ZNF385B: variants seen among roughly 807,000 people sequenced by gnomAD.
ZNF385B encodes the protein zinc finger protein 385B.
In ZNF385B, 23 loss-of-function variants were observed where a neutral mutation model predicts 39.2. That is an observed-to-expected ratio of 0.59 (90% CI 0.42 to 0.83). The LOEUF (loss-of-function observed/expected upper bound fraction) is 0.83, where lower values mean the gene tolerates loss of function less well. Ranked by LOEUF, ZNF385B falls within the 40% of genes least tolerant of loss-of-function variation. ZNF385B has a pLI of 0.00. For missense variants in ZNF385B, 552 were observed against 598.9 expected (o/e 0.92, Z 0.82); for synonymous variants, 205 against 222.6 (o/e 0.92, Z 0.70).
At chr2:179,806,131 G>A (rs1706335272) in intron 1 of ZNF385B, among the ~76,000 whole-genome samples, 1 of 152,044 alleles carries the variant, frequency 6.6e-6, no homozygotes, top group Non-Finnish European at 1.5e-5. Context: ...CATAAACAAT[G>A]TTAAAAGACA....
intron 6 of ZNF385B, among the ~76,000 whole-genome samples, chr2:179,457,932 A>T (rs1574235372): frequency 6.6e-6 from 1 of 152,232 alleles, no homozygotes; most frequent in African/African-American, 2.4e-5. Context: ...GTCATTCAAT[A>T]AATGATAGAG....
intron 1 of ZNF385B, among the ~76,000 whole-genome samples, chr2:179,825,484 C>A (rs747742048): frequency 2.6e-5 from 4 of 152,260 alleles, no homozygotes; most frequent in Admixed American, 2.0e-4. Flanking sequence ...AAACACAATT[C>A]TTCTCCTTCT....
intron 3 of ZNF385B, among the ~76,000 whole-genome samples, chr2:179,586,988 G>A (rs1050168948): frequency 1.3e-4 from 20 of 152,082 alleles, no homozygotes; most frequent in African/African-American, 4.3e-4. Flanking sequence ...GTAGTGAGCC[G>A]AGATCATGCC....
At position 179,538,627 on chromosome 2, in the gene ZNF385B, G is replaced by C. The variant is rs552453569; in HGVS notation, c.441+6200C>G. 1.9e-3 allele frequency among the ~76,000 whole-genome samples: 284 copies of C among 152,248 alleles called. 2 individuals are homozygous for C. Among genetic ancestry groups the C allele is most frequent in the Non-Finnish European group, 2.8e-3 (193 of 68,018 alleles). ...ATAAATCATTTCATAACTTGTCATG[G>C]ATGATTCACAGAATCATACAGTGGT... On this transcript the variant is annotated intron_variant, in intron 4 of 9. Transcript: ENST00000410066.
At position 179,776,186 on chromosome 2, in the gene ZNF385B, C is replaced by T. The variant is rs187935270; in HGVS notation, c.-154-5514G>A. On this transcript the variant is annotated intron_variant, in intron 1 of 9. Transcript: ENST00000410066. Reference sequence around the variant, plus strand: ...TATCCTAAGAACTAAAGAGAAAGATCACACCTCTGTGGATGGGTGCGAGAA... The same window carrying T: ...TATCCTAAGAACTAAAGAGAAAGATTACACCTCTGTGGATGGGTGCGAGAA... Among the ~76,000 whole-genome samples the T allele has an allele frequency of 1.1e-3, 168 of 152,308 alleles. 2 individuals carry two copies. Among genetic ancestry groups the T allele is most frequent in the Middle Eastern group, 6.8e-3 (2 of 294 alleles).
intron 6 of ZNF385B, among the ~76,000 whole-genome samples, chr2:179,461,902 T>C (rs984511906): frequency 6.6e-6 from 1 of 152,154 alleles, no homozygotes; most frequent in African/African-American, 2.4e-5. Context: ...CTCATTAGGC[T>C]CACTGATACC....
intron 5 of ZNF385B, among the ~76,000 whole-genome samples, chr2:179,493,325 G>A (rs1341392075): frequency 6.6e-6 from 1 of 151,804 alleles, no homozygotes; most frequent in Non-Finnish European, 1.5e-5. Context: ...GCATGTATAT[G>A]TGTACATATG....
chr2:179,556,198 G>A (rs937052572), intron 3 of ZNF385B, among the ~76,000 whole-genome samples: 1 of 148,654 alleles, frequency 6.7e-6, no homozygotes, highest in Admixed American at 6.7e-5. Context: ...TTTAAGTGTT[G>A]TTAAAAAAAA....
intron 5 of ZNF385B, among the ~76,000 whole-genome samples, chr2:179,488,693 T>C (rs1443735217): frequency 1.3e-5 from 2 of 152,070 alleles, no homozygotes; most frequent in African/African-American, 2.4e-5. Flanking sequence ...TTAAAACTAC[T>C]GGCATCTGTT....
chr2:179,808,640 T>A (rs1321672776), intron 1 of ZNF385B, among the ~76,000 whole-genome samples: 1 of 152,144 alleles, frequency 6.6e-6, no homozygotes, highest in African/African-American at 2.4e-5. Flanking sequence ...CAGAGAACAT[T>A]CCAAAAATAA....
At chr2:179,643,869 T>TA (rs1016528877) in intron 3 of ZNF385B, among the ~76,000 whole-genome samples, 15 of 152,106 alleles carry the variant, frequency 9.9e-5, no homozygotes, top group Non-Finnish European at 1.5e-4. Flanking sequence ...TATTGTTTAT[T>TA]AAAAAATGAA....
intron 4 of ZNF385B, among the ~76,000 whole-genome samples, chr2:179,525,967 A>AT (rs758060574): frequency 1.3e-5 from 2 of 151,620 alleles, no homozygotes; most frequent in African/African-American, 4.8e-5. Flanking sequence ...AACAAAGATA[A>AT]TTTTTTTCTC....
intron 3 of ZNF385B, among the ~76,000 whole-genome samples, chr2:179,679,013 C>T (rs905490131): frequency 3.0e-4 from 46 of 152,114 alleles, no homozygotes; most frequent in African/African-American, 1.1e-3. Context: ...TCTTAGAATA[C>T]AAAGAACACT....
At chr2:179,791,576 G>A (rs736067) in intron 1 of ZNF385B, among the ~76,000 whole-genome samples, 44,017 of 151,994 alleles carry the variant, frequency 0.29, 6,605 homozygotes, top group African/African-American at 0.34. Context: ...CAGGTGAGGC[G>A]CTTGTCTTAA....
At chr2:179,800,107 C>T (rs1410230271) in intron 1 of ZNF385B, among the ~76,000 whole-genome samples, 1 of 151,996 alleles carries the variant, frequency 6.6e-6, no homozygotes, top group Admixed American at 6.6e-5. Flanking sequence ...ATAGAAAATA[C>T]ATCTTCAGAT....
chr2:179,713,842 A>G (rs1700156902), intron 3 of ZNF385B, among the ~76,000 whole-genome samples: 1 of 152,216 alleles, frequency 6.6e-6, no homozygotes, highest in Non-Finnish European at 1.5e-5. Context: ...ATAAATCTTT[A>G]TATTGGTCCA....
chr2:179,800,017 C>G (rs965862417), intron 1 of ZNF385B, among the ~76,000 whole-genome samples: 6 of 152,050 alleles, frequency 3.9e-5, no homozygotes. Context: ...AGCTAAAACT[C>G]TAAAAGCAGA....
chr2:179,839,557 A>C (rs1000570115), intron 1 of ZNF385B, among the ~76,000 whole-genome samples: 1 of 152,232 alleles, frequency 6.6e-6, no homozygotes, highest in Non-Finnish European at 1.5e-5. Context: ...AATCTTTACC[A>C]TTCACAGACA....
chr2:179,521,863 C>T (rs576001561), intron 4 of ZNF385B, among the ~76,000 whole-genome samples: 2 of 152,180 alleles, frequency 1.3e-5, no homozygotes, highest in African/African-American at 2.4e-5. Flanking sequence ...ATTGTACCCC[C>T]ATCTGTCTCA....
Sources: gnomAD v4.1 joint callset for allele counts (sites outside exome capture counted in the v4.1 genomes callset) on GRCh38, gnomAD v4.1.1 for gene constraint, MANE v1.5 for transcripts, NCBI Gene and HGNC (gene_info 2026-07-23, HGNC 2026-07-21) for gene names.